The following MLF1 variants were observed in gnomAD, a reference collection of about 807,000 sequenced individuals.
MLF1 encodes myelodysplasia-myeloid leukemia factor 1.
In MLF1, 37 loss-of-function variants were observed where a neutral mutation model predicts 38.3. The ratio of observed to expected loss-of-function variants is 0.96; its 90% CI spans 0.74 to 1.27. The LOEUF is 1.27. Among genes scored for constraint, MLF1 ranks in the 50% most tolerant of loss-of-function variants. The probability of loss-of-function intolerance (pLI) is 0.00; values close to 1 mark genes in which losing one functional copy is unlikely to be tolerated. For synonymous variants in MLF1, 95 were observed against 106.5 expected, an observed-to-expected ratio of 0.89 and a Z score of 0.66; for missense variants, 331 against 349.2, an observed-to-expected ratio of 0.95 and a Z score of 0.42.
intron 3 of MLF1, among the ~76,000 whole-genome samples, chr3:158,593,873 C>A (rs1469735974): frequency 6.6e-6 from 1 of 152,166 alleles, no homozygotes; most frequent in Non-Finnish European, 1.5e-5. Flanking sequence ...TTTTTCTTGT[C>A]TGTTCTTAAG....
At chr3:158,585,656 A>T (rs1717139807) in intron 1 of MLF1, among the ~76,000 whole-genome samples, 1 of 152,226 alleles carries the variant, frequency 6.6e-6, no homozygotes, top group Admixed American at 6.5e-5. Context: ...TCACAAGCAA[A>T]GAGTAAATTA....
intron 3 of MLF1, among the ~76,000 whole-genome samples, chr3:158,596,578 T>G (rs762255068): frequency 2.3e-4 from 35 of 152,164 alleles, no homozygotes; most frequent in Non-Finnish European, 4.6e-4. Context: ...AATGAGTGAT[T>G]AGGTGTGTAT....
intron 1 of MLF1, among the ~76,000 whole-genome samples, chr3:158,578,380 A>AGTGTGT (rs113149645): frequency 0.03 from 4,536 of 149,454 alleles, 139 homozygotes; most frequent in African/African-American, 0.08. Flanking sequence ...AGGCAAAATA[A>AGTGTGT]GTGTGTGTGT....
intron 1 of MLF1, among the ~76,000 whole-genome samples, chr3:158,584,422 C>G (rs1716887538): frequency 6.6e-6 from 1 of 152,102 alleles, no homozygotes. Flanking sequence ...AGGAATATAT[C>G]AAAATCCAGA....
chr3:158,581,038 C>T (rs1716267415), intron 1 of MLF1, among the ~76,000 whole-genome samples: 1 of 152,162 alleles, frequency 6.6e-6, no homozygotes, highest in South Asian at 2.1e-4. Context: ...AACAACTTTT[C>T]TTGTATATAG....
intron 1 of MLF1, among the ~76,000 whole-genome samples, chr3:158,574,389 G>A (rs1003779114): frequency 7.9e-5 from 12 of 151,332 alleles, no homozygotes; most frequent in South Asian, 4.2e-4. Flanking sequence ...AGCCAGAGGC[G>A]AGGCTTGGTG....
chr3:158,593,433 A>C lies in MLF1; in HGVS notation c.240+7A>C. ...TGGCGATTTTGGTGGTATGGTTCGT[A>C]TCTTAAGACACAAATCATTTTAGCA... is the stretch of plus-strand genomic sequence containing the variant. On this transcript the variant is annotated splice_region_variant and intron_variant, in intron 3 of 7. Transcript: ENST00000466246. 4 of 1,553,946 alleles carry C rather than the reference A, an allele frequency of 2.6e-6. No homozygotes were observed. Among genetic ancestry groups the C allele is most frequent in the Non-Finnish European group, 3.5e-6 (4 of 1,155,382 alleles).
At chr3:158,578,921 T>A (rs1321322757) in intron 1 of MLF1, among the ~76,000 whole-genome samples, 1 of 152,180 alleles carries the variant, frequency 6.6e-6, no homozygotes, top group Admixed American at 6.5e-5. Context: ...GGACCACACT[T>A]TATGGTTAAT....
intron 1 of MLF1, 87 bp from the exon 2 acceptor site, chr3:158,592,347 C>T: frequency 4.2e-6 from 5 of 1,177,732 alleles, no homozygotes; most frequent in Non-Finnish European, 5.8e-6. Flanking sequence ...CATATTAGCC[C>T]AAAATAATTA....
intron 6 of MLF1, among the ~76,000 whole-genome samples, chr3:158,602,078 A>G (rs1719873463): frequency 6.6e-6 from 1 of 151,926 alleles, no homozygotes. Context: ...AGCCTCCCAA[A>G]GTGCCGGGAT....
chr3:158,580,483 A>G (rs1716168617), intron 1 of MLF1, among the ~76,000 whole-genome samples: 3 of 152,158 alleles, frequency 2.0e-5, no homozygotes, highest in Admixed American at 2.0e-4. Flanking sequence ...ATCTGTACAC[A>G]CTGAGATTTT....
intron 1 of MLF1, among the ~76,000 whole-genome samples, chr3:158,586,328 A>T (rs1717261268): frequency 6.6e-6 from 1 of 152,052 alleles, no homozygotes; most frequent in Non-Finnish European, 1.5e-5. Context: ...AAGAATGAGA[A>T]CCAGATTGTC....
At chr3:158,573,873 C>T (rs1406249776) in intron 1 of MLF1, among the ~76,000 whole-genome samples, 1 of 152,110 alleles carries the variant, frequency 6.6e-6, no homozygotes, top group Non-Finnish European at 1.5e-5. Context: ...GGGTTGCTCT[C>T]GGCTCACTGC....
intron 5 of MLF1, among the ~76,000 whole-genome samples, chr3:158,599,055 C>T (rs1055824313): frequency 5.3e-5 from 8 of 151,186 alleles, no homozygotes; most frequent in African/African-American, 4.9e-5. Context: ...ATGATTAATA[C>T]GCTTCTGAGA....
At chr3:158,593,491 C>A in intron 3 of MLF1, 65 bp downstream of exon 3, 2 of 1,289,894 alleles carry the variant, frequency 1.6e-6, no homozygotes, top group Non-Finnish European at 2.1e-6. Context: ...TTTTCATTAA[C>A]TCAAGCTGAC....
At position 158,605,714 on chromosome 3, in the gene MLF1, A is replaced by AG. The variant is rs1384836516; in HGVS notation, c.*513dup. The AG allele has an allele frequency of 1.1e-5, 2 of 183,166 alleles. No homozygotes were observed. The highest frequency in any genetic ancestry group is 2.3e-5 in the African/African-American group (1 of 42,618). 11.3% of individuals were successfully genotyped at this position (183,166 alleles called of 1,614,324 possible). A position where few individuals can be genotyped will look rare whatever the true frequency, so the allele number is the denominator to read the frequency against. On this transcript the variant is annotated 3_prime_UTR_variant, in exon 8 of 8. Coordinates refer to ENST00000466246, the MANE Select transcript of MLF1 (RefSeq NM_001369783.1). ...AAAAATAATAAAGCAAAACTACACT[A>AG]GTACTCTTTTATGAGAAAATAGTTA...
chr3:158,575,835 G>C (rs1714516), intron 1 of MLF1, among the ~76,000 whole-genome samples: 99,689 of 151,924 alleles, frequency 0.66, 33,289 homozygotes, highest in African/African-American at 0.75. Flanking sequence ...AGAACATTAC[G>C]ATTTTCTAAA....
intron 1 of MLF1, among the ~76,000 whole-genome samples, chr3:158,584,721 C>CT (rs1716958797): frequency 6.7e-6 from 1 of 148,494 alleles, no homozygotes. Context: ...ATGTATATAC[C>CT]CCCCCCTACC....
At chr3:158,581,656 C>T (rs116329439) in intron 1 of MLF1, among the ~76,000 whole-genome samples, 2 of 152,062 alleles carry the variant, frequency 1.3e-5, no homozygotes, top group Non-Finnish European at 2.9e-5. Context: ...GTACTACTTT[C>T]AACAAAATAT....
Sources: allele counts gnomAD v4.1 joint callset (sites outside exome capture counted in the v4.1 genomes callset), GRCh38; gene constraint gnomAD v4.1.1; transcripts MANE v1.5; gene names NCBI Gene and HGNC (gene_info 2026-07-23, HGNC 2026-07-21).